The following NUDT21 variants were observed in gnomAD, a reference collection of about 807,000 sequenced individuals.
The protein encoded by NUDT21 is cleavage and polyadenylation specificity factor subunit 5.
In NUDT21, 5 loss-of-function variants were observed where a neutral mutation model predicts 29.8. The observed-to-expected ratio is 0.17, with a 90% CI of 0.09 to 0.35. The LOEUF (loss-of-function observed/expected upper bound fraction) is 0.35, where lower values mean the gene tolerates loss of function less well. NUDT21 is among the 10% of genes least tolerant of loss of function. The pLI, the probability that NUDT21 is intolerant of heterozygous loss-of-function variation, is 1.00. For missense variants in NUDT21, 76 were observed against 276.0 expected, an observed-to-expected ratio of 0.28 and a Z score of 5.13; for synonymous variants, 113 against 98.5, an observed-to-expected ratio of 1.15 and a Z score of -0.87.
Position 56,435,742 on chromosome 16 carries a change from ATT to A in NUDT21, c.472-915_472-914del, listed in dbSNP as rs1491474508. Among the ~76,000 whole-genome samples the A allele has an allele frequency of 8.9e-3, 197 of 22,192 alleles. 11 individuals are homozygous for A. The highest frequency in any genetic ancestry group is 0.014 in the Non-Finnish European group (168 of 11,750). The allele number at this position is 22,192 out of a possible 152,430, so 14.6% of individuals were successfully genotyped here. A position where few individuals can be genotyped will look rare whatever the true frequency, so the allele number is the denominator to read the frequency against. On this transcript the variant is annotated intron_variant, in intron 4 of 6. Coordinates refer to ENST00000300291, the MANE Select transcript of NUDT21 (RefSeq NM_007006.3). ...CTCTGTCTCCCAAAAAAAAAAAAAA[ATT>A]ATATATATATATATATATATATATA...
chr16:56,434,676 G>T, intron 5 of NUDT21, 78 bp downstream of exon 5: 1 of 1,001,500 alleles, frequency 1.0e-6, no homozygotes, highest in Non-Finnish European at 1.6e-6. Flanking sequence ...GGAACTTTGA[G>T]AAAACACAAA....
intron 6 of NUDT21, 39 bp from the exon 7 acceptor site, chr16:56,432,772 T>G (rs764616476): frequency 7.2e-7 from 1 of 1,392,774 alleles, no homozygotes; most frequent in Non-Finnish European, 1.0e-6. Context: ...TTAAAGACAG[T>G]ACATACTACT....
chr16:56,433,689 C>A (rs1386228063), intron 6 of NUDT21, among the ~76,000 whole-genome samples: 2 of 151,870 alleles, frequency 1.3e-5, no homozygotes, highest in Non-Finnish European at 2.9e-5. Context: ...GATTTGCCAC[C>A]TTTTTTTTCT....
In NUDT21 at chr16:56,431,683, T is replaced by C. The variant is rs1298940085; in HGVS notation, c.*1029A>G. ...ACACAACCAGCAAACTCCTTTGCTC[T>C]AATATTTTTTATTCCCCCAAATTTG... On this transcript the variant is annotated 3_prime_UTR_variant, in exon 7 of 7. Coordinates refer to ENST00000300291, the MANE Select transcript of NUDT21 (RefSeq NM_007006.3). The C allele has an allele frequency of 2.6e-5, 4 of 152,228 alleles. No individual in the cohort carries two copies. The highest frequency in any genetic ancestry group is 4.8e-5 in the African/African-American group (2 of 41,450). 9.4% of individuals were successfully genotyped at this position (152,228 alleles called of 1,614,324 possible). A position where few individuals can be genotyped will look rare whatever the true frequency, so the allele number is the denominator to read the frequency against.
Position 56,443,465 on chromosome 16 carries a change from C to T in NUDT21, c.381+3161G>A, listed in dbSNP as rs114986717. On this transcript the variant is annotated intron_variant, in intron 3 of 6. Coordinates refer to ENST00000300291, the MANE Select transcript of NUDT21 (RefSeq NM_007006.3). ...CTGGGATTACAGGTGTGAGCCACCG[C>T]GCCTGGCCCAGGACTACATTATTTC... Among the ~76,000 whole-genome samples, 761 of 152,182 alleles carry T rather than the reference C, an allele frequency of 5.0e-3. 6 individuals carry two copies. Among genetic ancestry groups the T allele is most frequent in the African/African-American group, 0.017 (725 of 41,520 alleles).
intron 3 of NUDT21, among the ~76,000 whole-genome samples, chr16:56,441,657 A>ATTTGG (rs1450435485): frequency 1.3e-5 from 2 of 152,208 alleles, no homozygotes; most frequent in Non-Finnish European, 2.9e-5. Context: ...CATTATCAAT[A>ATTTGG]TTTGGTTAAG....
chr16:56,450,997 C>T (rs563300399), intron 1 of NUDT21, 90 bp downstream of exon 1: 2 of 1,077,846 alleles, frequency 1.9e-6, no homozygotes, highest in Non-Finnish European at 1.4e-6. Flanking sequence ...GGTGCAGAGG[C>T]GTGAAGCGCG....
intron 6 of NUDT21, 104 bp from the exon 7 acceptor site, chr16:56,432,837 C>A: frequency 2.5e-6 from 2 of 810,040 alleles, no homozygotes; most frequent in Non-Finnish European, 3.7e-6. Flanking sequence ...CTTAGCATGT[C>A]TGGCATTTTC....
chr16:56,433,207 CAAT>C (rs1567537357), intron 6 of NUDT21, among the ~76,000 whole-genome samples: 1 of 152,140 alleles, frequency 6.6e-6, no homozygotes, highest in Non-Finnish European at 1.5e-5. Context: ...ATTTCATACT[CAAT>C]AAGCTTTCAC....
chr16:56,445,045 G>A (rs900529376), intron 3 of NUDT21, among the ~76,000 whole-genome samples: 4 of 152,120 alleles, frequency 2.6e-5, no homozygotes, highest in South Asian at 2.1e-4. Context: ...TTAGCTGGGC[G>A]TGGAGGCAGG....
At position 56,446,659 on chromosome 16, in the gene NUDT21, ATCT is replaced by A; in HGVS notation, c.345_347del (p.Glu115del). The A allele has an allele frequency of 6.2e-7, 1 of 1,608,218 alleles. No homozygotes were observed. Among genetic ancestry groups the A allele is most frequent in the Non-Finnish European group, 8.5e-7 (1 of 1,176,802 alleles). On this transcript the variant is annotated inframe_deletion, in exon 3 of 7. Transcript: ENST00000300291. The stretch of plus-strand genomic sequence containing the variant: ...TTAAGCGTTTTAGTCCTTCAACTTC[ATCT>A]TCTCCTGGGTTAAGTTCACCACCAG...
intron 6 of NUDT21, among the ~76,000 whole-genome samples, 198 bp from the exon 7 acceptor site, chr16:56,432,931 A>G (rs1414913039): frequency 6.6e-6 from 1 of 152,154 alleles, no homozygotes; most frequent in Non-Finnish European, 1.5e-5. Flanking sequence ...TTACACACTA[A>G]AAACACTTGT....
chr16:56,437,836 T>C (rs1193328762), intron 4 of NUDT21, among the ~76,000 whole-genome samples: 3 of 152,208 alleles, frequency 2.0e-5, no homozygotes, highest in Non-Finnish European at 4.4e-5. Flanking sequence ...CTTTAGAGGA[T>C]GCTAAGGAAT....
intron 5 of NUDT21, 30 bp downstream of exon 5, chr16:56,434,724 A>G (rs1328357248): frequency 1.4e-6 from 2 of 1,381,446 alleles, no homozygotes; most frequent in South Asian, 2.3e-5. Flanking sequence ...GAATTTTTAG[A>G]TGGCTACCTT....
Position 56,447,971 on chromosome 16 carries a change from A to G in NUDT21, c.135T>C (p.Tyr45=), listed in dbSNP as rs776691027. The stretch of plus-strand genomic sequence containing the variant: ...AGAGGGGCTCTTTTGTACCAAAAGT[A>G]TAATTGGTAAGAGGGTACCTGTGAT... ...RTINLYPLTN[Y]TFGTKEPLYE... The change falls in exon 2 of 7, where the codon TAT becomes TAC. Residue 45 remains tyrosine, a synonymous_variant. Coordinates refer to ENST00000300291, the MANE Select transcript of NUDT21 (RefSeq NM_007006.3). 1.8e-5 allele frequency: 29 copies of G among 1,613,756 alleles called. No homozygotes were observed. In the African/African-American group the frequency reaches 2.1e-4, roughly 12 times the overall value.
rs1032237894 is a variant in NUDT21, at chr16:56,451,004, C to G, written c.116+83G>C. Reference sequence around the variant, plus strand: ...GGCGGGGAGGTGCAGAGGCGTGAAGCGCGCCGAAAAGCCGGGGGCGCGTCG... The same window carrying G: ...GGCGGGGAGGTGCAGAGGCGTGAAGGGCGCCGAAAAGCCGGGGGCGCGTCG... On this transcript the variant is annotated intron_variant, in intron 1 of 6. Coordinates refer to ENST00000300291, the MANE Select transcript of NUDT21 (RefSeq NM_007006.3). 8 of 1,181,698 alleles carry G rather than the reference C, an allele frequency of 6.8e-6. No individual in the cohort carries two copies. In the African/African-American group the frequency reaches 7.6e-5, roughly 11 times the overall value. 73.2% of individuals were successfully genotyped at this position (1,181,698 alleles called of 1,614,324 possible).
At chr16:56,442,484 A>G (rs1339223096) in intron 3 of NUDT21, among the ~76,000 whole-genome samples, 6 of 152,130 alleles carry the variant, frequency 3.9e-5, no homozygotes, top group Admixed American at 1.3e-4. Context: ...GTTTAATGCA[A>G]TTTCTGATTT....
intron 4 of NUDT21, 83 bp downstream of exon 4, chr16:56,439,574 C>A: frequency 1.1e-6 from 1 of 905,810 alleles, no homozygotes; most frequent in Non-Finnish European, 1.8e-6. Flanking sequence ...AAGTCAAATT[C>A]TACTTTAATC....
chr16:56,435,844 A>C (rs1962098786), intron 4 of NUDT21, among the ~76,000 whole-genome samples: 1 of 135,340 alleles, frequency 7.4e-6, no homozygotes, highest in Non-Finnish European at 1.6e-5. Flanking sequence ...AAAAATTCAA[A>C]TATAAGCTGT....
Sources: allele counts gnomAD v4.1 joint callset (sites outside exome capture counted in the v4.1 genomes callset), GRCh38; gene constraint gnomAD v4.1.1; transcripts MANE v1.5; gene names NCBI Gene and HGNC (gene_info 2026-07-23, HGNC 2026-07-21).